EYA1: variants seen among roughly 807,000 people sequenced by gnomAD.
The protein encoded by EYA1 is EYA transcriptional coactivator and phosphatase 1, also known as protein phosphatase EYA1.
A neutral mutation model predicts 82.0 loss-of-function variants in EYA1; 16 were observed. The ratio of observed to expected loss-of-function variants is 0.20; its 90% CI spans 0.13 to 0.30. The LOEUF is 0.30. Among genes scored for constraint, EYA1 ranks in the 10% least tolerant of loss-of-function variants. EYA1 has a pLI of 1.00. For synonymous variants in EYA1, 261 were observed against 264.4 expected (o/e 0.99, Z 0.12); for missense variants, 633 against 730.7 (o/e 0.87, Z 1.54).
rs934300013 is a variant in EYA1, at chr8:71,521,067, TA to T, written c.33+14676del. The stretch of plus-strand genomic sequence containing the variant: ...ATCCTACACTTGGGTCACCTCTTTT[TA>T]AAAAAAAAAAATCTTTATTTTTTTC... On this transcript the variant is annotated intron_variant, in intron 2 of 18. Transcript: ENST00000643681. Among the ~76,000 whole-genome samples the T allele has an allele frequency of 4.3e-4, 63 of 146,432 alleles. 1 individual carries two copies. The highest frequency in any genetic ancestry group is 9.9e-4 in the East Asian group (5 of 5,060).
chr8:71,251,082 T>C (rs976160243), intron 11 of EYA1, among the ~76,000 whole-genome samples: 2 of 152,204 alleles, frequency 1.3e-5, no homozygotes, highest in African/African-American at 2.4e-5. Context: ...ATTCTTAGAA[T>C]AGCTGCATAA....
At chr8:71,511,116 G>T (rs1249929134) in intron 2 of EYA1, among the ~76,000 whole-genome samples, 4 of 151,868 alleles carry the variant, frequency 2.6e-5, no homozygotes, top group African/African-American at 7.3e-5. Context: ...TCTTTAAACT[G>T]CCCTATACAT....
chr8:71,517,711 A>G (rs1046089487), intron 2 of EYA1, among the ~76,000 whole-genome samples: 1 of 147,404 alleles, frequency 6.8e-6, no homozygotes, highest in Non-Finnish European at 1.5e-5. Flanking sequence ...AACATACTAT[A>G]TATATATATA....
chr8:71,504,672 T>A (rs1479612309), intron 2 of EYA1, among the ~76,000 whole-genome samples: 3 of 152,230 alleles, frequency 2.0e-5, no homozygotes, highest in African/African-American at 4.8e-5. Flanking sequence ...TACATCCACC[T>A]CCAGATATTC....
Position 71,233,973 on chromosome 8 carries a change from T to TG in EYA1, c.1140+10629dup, listed in dbSNP as rs1320622855. Among the ~76,000 whole-genome samples the TG allele has an allele frequency of 1.3e-5, 2 of 152,166 alleles. 1 individual carries two copies. Among genetic ancestry groups the TG allele is most frequent in the South Asian group, 4.2e-4 (2 of 4,818 alleles). ...TTCCTGGCCTCAAGGGATTTCCCAG[T>TG]GGGGGGTAGACCGAGGTATGCAGAA... On this transcript the variant is annotated intron_variant, in intron 12 of 17. Coordinates refer to ENST00000340726, the MANE Select transcript of EYA1 (RefSeq NM_000503.6).
At chr8:71,430,382 G>A (rs948473724) in intron 2 of EYA1, among the ~76,000 whole-genome samples, 5 of 152,184 alleles carry the variant, frequency 3.3e-5, no homozygotes, top group African/African-American at 4.8e-5. Flanking sequence ...TGGCAGAGCT[G>A]ACATTTGAGT....
chr8:71,215,231 C>T (rs914693870), intron 16 of EYA1, among the ~76,000 whole-genome samples, 156 bp downstream of exon 16: 10 of 152,142 alleles, frequency 6.6e-5, no homozygotes, highest in East Asian at 1.9e-4. Flanking sequence ...GTTTCTCTTA[C>T]GTCTAAATCC....
intron 2 of EYA1, chr8:71,404,329 T>G (rs1177690341): frequency 2.6e-5 from 4 of 152,184 alleles, no homozygotes; most frequent in African/African-American, 9.7e-5. Flanking sequence ...TACAATGTAT[T>G]AATGGGTCTT....
chr8:71,224,222 A>T (rs977727649), intron 12 of EYA1, among the ~76,000 whole-genome samples: 1 of 152,220 alleles, frequency 6.6e-6, no homozygotes, highest in Non-Finnish European at 1.5e-5. Context: ...CACAAGTCCA[A>T]ATCCTGCTGA....
At chr8:71,508,200 CTCTT>C (rs1295915546) in intron 2 of EYA1, among the ~76,000 whole-genome samples, 1 of 152,178 alleles carries the variant, frequency 6.6e-6, no homozygotes, top group African/African-American at 2.4e-5. Flanking sequence ...TCTATCCATG[CTCTT>C]TCTGAGGTCT....
At chr8:71,222,710 A>C (rs772162646) in intron 12 of EYA1, among the ~76,000 whole-genome samples, 40 of 152,378 alleles carry the variant, frequency 2.6e-4, no homozygotes, top group Non-Finnish European at 4.7e-4. Context: ...CCCATTTTAC[A>C]GATATGAAAA....
At chr8:71,458,157 A>G (rs1363408183) in intron 2 of EYA1, among the ~76,000 whole-genome samples, 2 of 152,192 alleles carry the variant, frequency 1.3e-5, no homozygotes, top group South Asian at 2.1e-4. Flanking sequence ...TTTGACTTAT[A>G]TAAGTTGTAT....
intron 5 of EYA1, 82 bp from the exon 6 acceptor site, chr8:71,321,961 T>C: frequency 1.9e-6 from 3 of 1,565,754 alleles, no homozygotes; most frequent in Non-Finnish European, 2.6e-6. Flanking sequence ...ACATCACAAA[T>C]TCCAGCTAAA....
Position 71,326,287 on chromosome 8 carries a change from C to T in EYA1, c.203-4019G>A, listed in dbSNP as rs143297663. ...CTCCTTCATGTCAACACCATTCAGCCAATCAGGTCAAAAGCCTAGAAGTAA... is the reference window on the plus strand; with the variant it reads ...CTCCTTCATGTCAACACCATTCAGCTAATCAGGTCAAAAGCCTAGAAGTAA... On this transcript the variant is annotated intron_variant, in intron 4 of 17. Transcript: ENST00000340726. Among the ~76,000 whole-genome samples the T allele has an allele frequency of 1.6e-4, 25 of 152,272 alleles. No homozygotes were observed. In the East Asian group the frequency reaches 4.2e-3, roughly 26 times the overall value.
At chr8:71,388,018 C>A (rs1829062542) in intron 2 of EYA1, among the ~76,000 whole-genome samples, 1 of 152,144 alleles carries the variant, frequency 6.6e-6, no homozygotes, top group South Asian at 2.1e-4. Context: ...AGGAACTGTG[C>A]TAAGCCTGCA....
At chr8:71,507,940 TAA>T (rs1812315081) in intron 2 of EYA1, among the ~76,000 whole-genome samples, 1 of 152,214 alleles carries the variant, frequency 6.6e-6, no homozygotes, top group African/African-American at 2.4e-5. Context: ...AAGTTAAAAA[TAA>T]AATGATTAAA....
intron 2 of EYA1, among the ~76,000 whole-genome samples, chr8:71,369,121 T>G (rs988442939): frequency 1.3e-5 from 2 of 148,578 alleles, no homozygotes; most frequent in African/African-American, 2.5e-5. Flanking sequence ...GAGAATTGCT[T>G]CAACCTGGGA....
chr8:71,505,287 G>A (rs1421337748), intron 2 of EYA1, among the ~76,000 whole-genome samples: 3 of 152,266 alleles, frequency 2.0e-5, no homozygotes, highest in Non-Finnish European at 2.9e-5. Flanking sequence ...TTCACTAGGC[G>A]ATTCTTATTA....
chr8:71,398,426 G>A (rs1181276287), intron 2 of EYA1, among the ~76,000 whole-genome samples: 2 of 152,144 alleles, frequency 1.3e-5, no homozygotes, highest in African/African-American at 4.8e-5. Context: ...CACCTTTGTG[G>A]TTTTATCTAC....
Sources: gnomAD v4.1 joint callset for allele counts (sites outside exome capture counted in the v4.1 genomes callset) on GRCh38, gnomAD v4.1.1 for gene constraint, MANE v1.5 for transcripts, NCBI Gene and HGNC (gene_info 2026-07-23, HGNC 2026-07-21) for gene names.